Variants in TM2D1 observed in about 807,000 individuals in gnomAD.
TM2D1 encodes TM2 domain-containing protein 1.
Under a neutral mutation model 28.4 loss-of-function variants are expected in TM2D1, and 15 were observed. The observed-to-expected ratio is 0.53, with a 90% CI of 0.35 to 0.81. The LOEUF (loss-of-function observed/expected upper bound fraction) is 0.81. TM2D1 is among the 40% of genes least tolerant of loss of function. The pLI, the probability that TM2D1 is intolerant of heterozygous loss-of-function variation, is 0.01. For synonymous variants in TM2D1, 93 were observed against 96.2 expected (o/e 0.97, Z 0.20); for missense variants, 236 against 254.9 (o/e 0.93, Z 0.50).
At chr1:61,705,636 G>C (rs1015616600) in intron 3 of TM2D1, among the ~76,000 whole-genome samples, 5 of 152,064 alleles carry the variant, frequency 3.3e-5, no homozygotes, top group African/African-American at 9.7e-5. Context: ...TCCTACAAAG[G>C]TTTCCCTCTC....
At chr1:61,694,859 A>ATG (rs1476423421) in intron 4 of TM2D1, 89 bp from the exon 5 acceptor site, 3 of 662,978 alleles carry the variant, frequency 4.5e-6, no homozygotes, top group Non-Finnish European at 7.5e-6. Flanking sequence ...ATTATTATAT[A>ATG]TATATATCAC....
chr1:61,706,061 C>G (rs1284180145), intron 3 of TM2D1, among the ~76,000 whole-genome samples: 2 of 152,202 alleles, frequency 1.3e-5, no homozygotes, highest in Admixed American at 6.5e-5. Context: ...AGTAGCTGCA[C>G]AGCAGCTGGC....
chr1:61,711,247 T>C (rs1644476449), intron 2 of TM2D1, among the ~76,000 whole-genome samples: 2 of 151,014 alleles, frequency 1.3e-5, no homozygotes, highest in South Asian at 4.2e-4. Flanking sequence ...GGAAAATCAC[T>C]TGAACCTGGG....
chr1:61,702,076 G>A (rs1644406121), intron 3 of TM2D1, among the ~76,000 whole-genome samples: 1 of 152,022 alleles, frequency 6.6e-6, no homozygotes, highest in South Asian at 2.1e-4. Flanking sequence ...TGTAATCCCA[G>A]CTACTCGGGA....
chr1:61,720,273 G>A (rs1644553979), intron 2 of TM2D1, among the ~76,000 whole-genome samples: 1 of 151,508 alleles, frequency 6.6e-6, no homozygotes, highest in African/African-American at 2.4e-5. Context: ...ACAGAGTCTG[G>A]CTCTGTCGCC....
chr1:61,707,599 C>T (rs146458252), intron 3 of TM2D1, among the ~76,000 whole-genome samples: 11 of 152,148 alleles, frequency 7.2e-5, no homozygotes, highest in Non-Finnish European at 1.5e-4. Context: ...GAAATCATAT[C>T]TAAGTACATT....
intron 1 of TM2D1, among the ~76,000 whole-genome samples, 200 bp from the exon 2 acceptor site, chr1:61,723,986 G>A (rs1200410843): frequency 1.3e-5 from 2 of 152,160 alleles, no homozygotes; most frequent in African/African-American, 4.8e-5. Context: ...CTGGAGCCCA[G>A]GAGTTTGGGA....
At chr1:61,700,803 AG>A in intron 4 of TM2D1, 130 bp downstream of exon 4, 1 of 648,784 alleles carries the variant, frequency 1.5e-6, no homozygotes, top group South Asian at 2.3e-5. Context: ...TACTCACAGA[AG>A]AACATTAACT....
chr1:61,693,549 G>A (rs1644343291), intron 5 of TM2D1, among the ~76,000 whole-genome samples: 1 of 152,138 alleles, frequency 6.6e-6, no homozygotes, highest in South Asian at 2.1e-4. Context: ...CCCACAGTTA[G>A]AGAAGGCAGG....
intron 3 of TM2D1, among the ~76,000 whole-genome samples, chr1:61,702,971 T>G (rs1234795980): frequency 6.6e-6 from 1 of 150,998 alleles, no homozygotes; most frequent in East Asian, 2.0e-4. Flanking sequence ...CCGGGCGTGG[T>G]GGTATATGCC....
intron 3 of TM2D1, among the ~76,000 whole-genome samples, chr1:61,702,380 T>C (rs1276321525): frequency 2.0e-5 from 3 of 151,188 alleles, no homozygotes; most frequent in African/African-American, 7.3e-5. Context: ...TTATTTCTTT[T>C]TTTTTTGAGA....
rs189738988 is a variant in TM2D1 at position 61,701,547 on chromosome 1, A to T, written c.348-522T>A. The stretch of plus-strand genomic sequence containing the variant: ...TCATCAAGTAAGATCCCTGCTCATA[A>T]TTCTCTTTCGTGTGTGTGTGTGTGT... On this transcript the variant is annotated intron_variant, in intron 3 of 6. Transcript: ENST00000606498. Among the ~76,000 whole-genome samples, 14 of 120,518 alleles carry T rather than the reference A, an allele frequency of 1.2e-4. No individual in the cohort carries two copies. In the East Asian group the frequency reaches 2.4e-3, roughly 21 times the overall value. The allele number at this position is 120,518 out of a possible 152,430, so 79.1% of individuals were successfully genotyped here. A position where few individuals can be genotyped will look rare whatever the true frequency, so the allele number is the denominator to read the frequency against.
At chr1:61,713,381 G>C (rs535051965) in intron 2 of TM2D1, among the ~76,000 whole-genome samples, 1 of 151,424 alleles carries the variant, frequency 6.6e-6, no homozygotes, top group African/African-American at 2.4e-5. Flanking sequence ...AGGAGGCTGA[G>C]GCAGGAGAAT....
chr1:61,692,884 C>T (rs893049121), intron 5 of TM2D1, among the ~76,000 whole-genome samples: 1 of 152,132 alleles, frequency 6.6e-6, no homozygotes, highest in South Asian at 2.1e-4. Flanking sequence ...TGTTCACACA[C>T]TCTAACTCTA....
intron 6 of TM2D1, among the ~76,000 whole-genome samples, chr1:61,682,936 C>T (rs1463890376): frequency 6.6e-6 from 1 of 151,278 alleles, no homozygotes; most frequent in African/African-American, 2.4e-5. Context: ...AAAGCTGAGG[C>T]CAATAATTCT....
At chr1:61,699,981 GA>G in intron 4 of TM2D1, 1 of 669,142 alleles carries the variant, frequency 1.5e-6, no homozygotes. Context: ...CAACATGGAA[GA>G]AATAAGGTTA....
At chr1:61,722,936 G>T (rs1233663995) in intron 2 of TM2D1, among the ~76,000 whole-genome samples, 2 of 152,130 alleles carry the variant, frequency 1.3e-5, no homozygotes, top group Non-Finnish European at 2.9e-5. Context: ...AATAAAAAAA[G>T]TATTTTTCTC....
chr1:61,698,912 A>C (rs532327770), intron 4 of TM2D1: 1 of 152,280 alleles, frequency 6.6e-6, no homozygotes, highest in East Asian at 1.9e-4. Context: ...TTTTGTCTAT[A>C]ACTACTTTCA....
chr1:61,700,830 T>C (rs1570108358), intron 4 of TM2D1, 104 bp downstream of exon 4: 3 of 814,022 alleles, frequency 3.7e-6, no homozygotes, highest in Non-Finnish European at 5.8e-6. Flanking sequence ...ACTCCAATTA[T>C]ATAGAACTTA....
Sources: gnomAD v4.1 joint callset for allele counts (sites outside exome capture counted in the v4.1 genomes callset) on GRCh38, gnomAD v4.1.1 for gene constraint, MANE v1.5 for transcripts, NCBI Gene and HGNC (gene_info 2026-07-23, HGNC 2026-07-21) for gene names.